The following ANTXRL variants were observed in gnomAD, a reference collection of about 807,000 sequenced individuals.
The protein encoded by ANTXRL is anthrax toxin receptor-like.
Under a neutral mutation model 75.4 loss-of-function variants are expected in ANTXRL, and 63 were observed. The ratio of observed to expected loss-of-function variants is 0.84; its 90% CI spans 0.68 to 1.03. The LOEUF (loss-of-function observed/expected upper bound fraction) is 1.03, where lower values mean the gene tolerates loss of function less well. Ranked by LOEUF, ANTXRL falls within the 50% of genes least tolerant of loss-of-function variation. ANTXRL has a pLI of 0.00. For synonymous variants in ANTXRL, 335 were observed against 291.3 expected (o/e 1.15, Z -1.53); for missense variants, 797 against 789.4 (o/e 1.01, Z -0.12).
At chr10:46,327,155 G>A (rs1213505123) in intron 16 of ANTXRL, among the ~76,000 whole-genome samples, 7 of 152,136 alleles carry the variant, frequency 4.6e-5, no homozygotes, top group South Asian at 2.1e-4. Flanking sequence ...CAAGAGGAGC[G>A]AGGGAGGGTG....
rs1838112307 is a variant in ANTXRL at position 46,306,728 on chromosome 10, T to A, written c.896-75T>A. On this transcript the variant is annotated intron_variant, in intron 10 of 16. Transcript: ENST00000620264. ...CCTGGGCCACAGGGTCAGCCCTGCATGCTGAGGACAGACATGGGGAGGAAC... is the reference window on the plus strand; with the variant it reads ...CCTGGGCCACAGGGTCAGCCCTGCAAGCTGAGGACAGACATGGGGAGGAAC... 3 of 1,309,180 alleles carry A rather than the reference T, an allele frequency of 2.3e-6. No homozygotes were observed. In the Admixed American group the frequency reaches 7.5e-5, roughly 33 times the overall value. The allele number at this position is 1,309,180 out of a possible 1,614,324, so 81.1% of individuals were successfully genotyped here. A position where few individuals can be genotyped will look rare whatever the true frequency, so the allele number is the denominator to read the frequency against.
chr10:46,299,483 C>T (rs1203376672), intron 9 of ANTXRL, among the ~76,000 whole-genome samples: 40 of 152,020 alleles, frequency 2.6e-4, no homozygotes, highest in South Asian at 6.2e-4. Context: ...TCTGCATGGC[C>T]GGCAGTTGCA....
chr10:46,310,551 C>T, intron 14 of ANTXRL, 52 bp downstream of exon 14: 1 of 1,517,474 alleles, frequency 6.6e-7, no homozygotes. Context: ...AGCCCACTGA[C>T]CTTCACCAAG....
At chr10:46,298,996 G>A (rs1369859160) in intron 9 of ANTXRL, among the ~76,000 whole-genome samples, 2 of 151,890 alleles carry the variant, frequency 1.3e-5, no homozygotes, top group African/African-American at 2.4e-5. Context: ...ACCTCACAAC[G>A]GTAAGTTTAA....
intron 13 of ANTXRL, among the ~76,000 whole-genome samples, chr10:46,310,022 A>T (rs374818145): frequency 2.6e-5 from 4 of 152,054 alleles, no homozygotes; most frequent in Non-Finnish European, 4.4e-5. Flanking sequence ...CACAGGGCTC[A>T]TGTCTGCATA....
At chr10:46,303,572 A>G (rs1554961095) in intron 10 of ANTXRL, among the ~76,000 whole-genome samples, 1 of 152,202 alleles carries the variant, frequency 6.6e-6, no homozygotes, top group Non-Finnish European at 1.5e-5. Flanking sequence ...TGCTCAAGAA[A>G]TGTCAGATTT....
At chr10:46,319,163 C>G (rs12775681) in intron 16 of ANTXRL, among the ~76,000 whole-genome samples, 3,551 of 152,198 alleles carry the variant, frequency 0.023, 51 homozygotes, top group Non-Finnish European at 0.028. Context: ...TGGAGGCTTT[C>G]TCAGACCAAA....
At chr10:46,302,274 C>A (rs1280805897) in intron 9 of ANTXRL, among the ~76,000 whole-genome samples, 2 of 152,128 alleles carry the variant, frequency 1.3e-5, no homozygotes, top group African/African-American at 2.4e-5. Flanking sequence ...AGGAGGCATC[C>A]AGGCCTGGGT....
rs375138871 is a variant in ANTXRL, at chr10:46,326,760, G to T, written c.1411-2839G>T. On this transcript the variant is annotated intron_variant, in intron 16 of 16. Transcript: ENST00000620264. Reference sequence around the variant, plus strand: ...GTCCAGTCGGCTTGTGGTCAGGAGGGCAGTGGTGGGTGGAATACAGTGCTG... The same window carrying T: ...GTCCAGTCGGCTTGTGGTCAGGAGGTCAGTGGTGGGTGGAATACAGTGCTG... Among the ~76,000 whole-genome samples, 3 of 152,220 alleles carry T rather than the reference G, an allele frequency of 2.0e-5. No homozygotes were observed. In the South Asian group the frequency reaches 6.2e-4, roughly 32 times the overall value.
intron 16 of ANTXRL, among the ~76,000 whole-genome samples, 156 bp downstream of exon 16, chr10:46,313,472 C>T (rs1433504401): frequency 4.6e-5 from 7 of 152,242 alleles, no homozygotes; most frequent in Admixed American, 4.6e-4. Flanking sequence ...GGCATCCCAG[C>T]CAGTTTCTGG....
At chr10:46,310,642 G>A in intron 14 of ANTXRL, 143 bp downstream of exon 14, 2 of 886,100 alleles carry the variant, frequency 2.3e-6, no homozygotes, top group South Asian at 3.0e-5. Flanking sequence ...AGCCTGAGAA[G>A]ATGGGGGACT....
rs57954858 is a variant in ANTXRL, at chr10:46,329,803, C to T, written c.1615C>T (p.His539Tyr). 1 of 1,534,086 alleles carries T rather than the reference C, an allele frequency of 6.5e-7. No individual in the cohort carries two copies. The highest frequency in any genetic ancestry group is 1.4e-5 in the African/African-American group (1 of 72,520). ...AAACATCTGCCTGAGACACAGCCAA[C>T]ACAGCAGGGAGTGCCTTGCCCGCAA... Reference protein sequence around the residue: ...SPNICLRHSQHSRECLARKQA... With the variant: ...SPNICLRHSQYSRECLARKQA... Residue 539 changes from histidine to tyrosine, a missense_variant, in exon 17 of 17, where the codon CAC becomes TAC. Transcript: ENST00000620264.
chr10:46,305,715 C>A (rs148312765), intron 10 of ANTXRL, among the ~76,000 whole-genome samples: 1 of 151,868 alleles, frequency 6.6e-6, no homozygotes, highest in African/African-American at 2.4e-5. Context: ...TACACATTAC[C>A]GAACTCTCCT....
chr10:46,316,113 T>C (rs1207560570), intron 16 of ANTXRL, among the ~76,000 whole-genome samples: 1 of 152,116 alleles, frequency 6.6e-6, no homozygotes, highest in Non-Finnish European at 1.5e-5. Context: ...TATCACTCGA[T>C]CCATCAGGAA....
rs1554959119 is a variant in ANTXRL at position 46,297,415 on chromosome 10, G to A, written c.595G>A (p.Ala199Thr). 3 of 1,535,800 alleles carry A rather than the reference G, an allele frequency of 2.0e-6. No individual in the cohort carries two copies. Among genetic ancestry groups the A allele is most frequent in the African/African-American group, 2.7e-5 (2 of 72,976 alleles). The change falls in exon 7 of 17, where the codon GCT (alanine) becomes ACT (threonine). Residue 199 changes from alanine to threonine, a missense_variant. Coordinates refer to ENST00000620264, the MANE Select transcript of ANTXRL (RefSeq NM_001278688.3). Reference sequence around the variant, plus strand: ...GCCTTCTTTCCCTTAGGCTCAAAAGGCTCGGAAACTGGGGGCCAACGTTTA... The same window carrying A: ...GCCTTCTTTCCCTTAGGCTCAAAAGACTCGGAAACTGGGGGCCAACGTTTA... Reference protein sequence around the residue: ...FQDTLREAQKARKLGANVYTL... With the variant: ...FQDTLREAQKTRKLGANVYTL...
intron 10 of ANTXRL, among the ~76,000 whole-genome samples, 163 bp downstream of exon 10, chr10:46,302,983 A>T (rs1327963964): frequency 6.6e-6 from 1 of 151,902 alleles, no homozygotes; most frequent in Non-Finnish European, 1.5e-5. Flanking sequence ...AAGGCCGGTC[A>T]CCCCTCCCTT....
chr10:46,293,525 CTGTGTGTGCA>C lies in ANTXRL; in HGVS notation c.321-292_321-283del, dbSNP rs782139387. ...TGTGCACCTGTGTGTGTGTGTGCCT[CTGTGTGTGCA>C]TGTGTGTGCATATGTGTGTGAGTGT... is the stretch of plus-strand genomic sequence containing the variant. On this transcript the variant is annotated intron_variant, in intron 2 of 16. Transcript: ENST00000620264. Among the ~76,000 whole-genome samples, 83 of 109,346 alleles carry C rather than the reference CTGTGTGTGCA, an allele frequency of 7.6e-4. No homozygotes were observed. The Middle Eastern group carries it at 0.022, about 29-fold the overall frequency. The allele number at this position is 109,346 out of a possible 152,430, so 71.7% of individuals were successfully genotyped here.
chr10:46,287,773 G>GGTCAGCATCCTCATCCTCACGCTGCTGC (rs1480615740), intron 1 of ANTXRL, among the ~76,000 whole-genome samples: 2 of 152,098 alleles, frequency 1.3e-5, no homozygotes, highest in East Asian at 3.9e-4. Context: ...CCATCAGCTG[G>GGTCAGCATCCTCATCCTCACGCTGCTGC]GTCAGCATCC....
intron 16 of ANTXRL, among the ~76,000 whole-genome samples, chr10:46,315,447 G>T (rs11259790): frequency 0.053 from 8,082 of 151,272 alleles, 705 homozygotes; most frequent in African/African-American, 0.19. Flanking sequence ...ACAGGCATAG[G>T]CTGTCTGTCT....
Sources: allele counts gnomAD v4.1 joint callset (sites outside exome capture counted in the v4.1 genomes callset), GRCh38; gene constraint gnomAD v4.1.1; transcripts MANE v1.5; gene names NCBI Gene and HGNC (gene_info 2026-07-23, HGNC 2026-07-21).